SELENOF: variants seen among roughly 807,000 people sequenced by gnomAD.
SELENOF encodes the protein 15 kDa selenoprotein.
In SELENOF, 16 loss-of-function variants were observed where a neutral mutation model predicts 20.5. The ratio of observed to expected loss-of-function variants is 0.78; its 90% CI spans 0.53 to 1.19. SELENOF has a LOEUF of 1.19. Among genes scored for constraint, SELENOF ranks in the 50% most tolerant of loss-of-function variants. The pLI is 0.00. For missense variants in SELENOF, 215 were observed against 194.2 expected (o/e 1.11, Z -0.64); for synonymous variants, 78 against 74.5 (o/e 1.05, Z -0.24).
chr1:86,882,247 C>CAAAAAAAAAAAAAAAA (rs61037512), intron 2 of SELENOF, among the ~76,000 whole-genome samples: 13 of 61,882 alleles, frequency 2.1e-4, no homozygotes, highest in East Asian at 8.3e-4. Flanking sequence ...GACTCTGTCT[C>CAAAAAAAAAAAAAAAA]AAAAAAAAAA....
intron 1 of SELENOF, among the ~76,000 whole-genome samples, chr1:86,908,625 A>C (rs556411587): frequency 6.6e-6 from 1 of 152,332 alleles, no homozygotes; most frequent in South Asian, 2.1e-4. Flanking sequence ...CAAAAGCACC[A>C]ACGATTTTAA....
chr1:86,886,403 A>C lies in SELENOF; in HGVS notation c.253-5678T>G, dbSNP rs1050838627. Reference sequence around the variant, plus strand: ...TAATCTGAAAAGGTAAACCATAAACATCGACTGAAGCAAGACAAATGTTAC... The same window carrying C: ...TAATCTGAAAAGGTAAACCATAAACCTCGACTGAAGCAAGACAAATGTTAC... On this transcript the variant is annotated intron_variant, in intron 2 of 4. Coordinates refer to ENST00000331835, the MANE Select transcript of SELENOF (RefSeq NM_004261.5). Among the ~76,000 whole-genome samples the C allele has an allele frequency of 3.3e-5, 5 of 151,568 alleles. No homozygotes were observed. The East Asian group carries it at 9.7e-4, about 29-fold the overall frequency.
Position 86,894,188 on chromosome 1 carries a change from T to A in SELENOF, c.252+9093A>T, listed in dbSNP as rs1195965592. Among the ~76,000 whole-genome samples, 606 of 151,250 alleles carry A rather than the reference T, an allele frequency of 4.0e-3. 5 individuals are homozygous for A. The highest frequency in any genetic ancestry group is 0.014 in the African/African-American group (567 of 41,358). The stretch of plus-strand genomic sequence containing the variant: ...CCTGGAGGTTTTTTTTTTTTTTTTT[T>A]AAGTATTACTTTTAAGCTTTTCTCT... On this transcript the variant is annotated intron_variant, in intron 2 of 4. Transcript: ENST00000331835.
At chr1:86,872,984 G>A (rs1658819083) in intron 3 of SELENOF, among the ~76,000 whole-genome samples, 1 of 151,852 alleles carries the variant, frequency 6.6e-6, no homozygotes. Context: ...AGCTTGCAGT[G>A]AGCCAAAATC....
At chr1:86,898,896 A>G (rs1314310785) in intron 2 of SELENOF, among the ~76,000 whole-genome samples, 215 of 151,702 alleles carry the variant, frequency 1.4e-3, no homozygotes, top group African/African-American at 5.1e-3. Flanking sequence ...CAAGTGAACA[A>G]AGGTCTCTGG....
intron 2 of SELENOF, among the ~76,000 whole-genome samples, chr1:86,901,297 A>T (rs1027828068): frequency 6.6e-6 from 1 of 152,198 alleles, no homozygotes; most frequent in Non-Finnish European, 1.5e-5. Flanking sequence ...GATTAAATCT[A>T]GCACTATTTC....
intron 1 of SELENOF, among the ~76,000 whole-genome samples, 193 bp from the exon 2 acceptor site, chr1:86,903,641 C>T (rs147492250): frequency 6.6e-6 from 1 of 152,248 alleles, no homozygotes; most frequent in East Asian, 1.9e-4. Context: ...TGTCGCCAGG[C>T]TGGAGGGCAG....
At chr1:86,888,534 G>A (rs1023100142) in intron 2 of SELENOF, among the ~76,000 whole-genome samples, 5 of 152,094 alleles carry the variant, frequency 3.3e-5, no homozygotes, top group East Asian at 1.9e-4. Context: ...TTGTTCTCCC[G>A]AAGTGTTAGG....
rs76673790 is a variant in SELENOF at position 86,907,859 on chromosome 1, A to C, written c.85-4411T>G. 3.9e-3 allele frequency among the ~76,000 whole-genome samples: 593 copies of C among 152,132 alleles called. 3 individuals carry two copies. The highest frequency in any genetic ancestry group is 0.014 in the African/African-American group (576 of 41,500). On this transcript the variant is annotated intron_variant, in intron 1 of 4. Coordinates refer to ENST00000331835, the MANE Select transcript of SELENOF (RefSeq NM_004261.5). Reference sequence around the variant, plus strand: ...AAAATTAGCTGGGGTGGTGGCGCACACCTGTAATCTGAGTTACTCAGGAGG... The same window carrying C: ...AAAATTAGCTGGGGTGGTGGCGCACCCCTGTAATCTGAGTTACTCAGGAGG...
chr1:86,889,889 G>A (rs1368815735), intron 2 of SELENOF, among the ~76,000 whole-genome samples: 1 of 152,110 alleles, frequency 6.6e-6, no homozygotes, highest in African/African-American at 2.4e-5. Flanking sequence ...CAGCCAATGT[G>A]TTGGTTTAAG....
intron 2 of SELENOF, among the ~76,000 whole-genome samples, chr1:86,887,960 G>T (rs996514834): frequency 2.2e-4 from 34 of 152,084 alleles, no homozygotes; most frequent in Non-Finnish European, 4.6e-4. Flanking sequence ...CCAAAGAATT[G>T]GTAAAAATGA....
intron 2 of SELENOF, among the ~76,000 whole-genome samples, chr1:86,894,878 A>C (rs903747987): frequency 6.6e-6 from 1 of 152,164 alleles, no homozygotes; most frequent in Non-Finnish European, 1.5e-5. Context: ...AAACAAAAAA[A>C]CCAAAGAAAA....
intron 3 of SELENOF, among the ~76,000 whole-genome samples, chr1:86,871,575 G>C (rs1167617531): frequency 6.6e-6 from 1 of 152,108 alleles, no homozygotes; most frequent in Non-Finnish European, 1.5e-5. Context: ...GCTAAGAAAG[G>C]CAACTGTGCT....
chr1:86,880,052 G>C (rs537338780), intron 3 of SELENOF, among the ~76,000 whole-genome samples: 53 of 152,078 alleles, frequency 3.5e-4, no homozygotes, highest in Non-Finnish European at 5.4e-4. Flanking sequence ...TCTTGGAAAG[G>C]CTCCTGCAAA....
At position 86,914,009 on chromosome 1, in the gene SELENOF, G is replaced by A. The variant is rs780141850; in HGVS notation, c.84+19C>T. The A allele has an allele frequency of 3.8e-6, 6 of 1,585,430 alleles. No homozygotes were observed. The highest frequency in any genetic ancestry group is 1.7e-4 in the Middle Eastern group (1 of 5,986). Reference sequence around the variant, plus strand: ...CTCCTACTCTCCCTGTGGCAGCTGCGAAGGTGATCTACACTCACCGCTTGA... The same window carrying A: ...CTCCTACTCTCCCTGTGGCAGCTGCAAAGGTGATCTACACTCACCGCTTGA... On this transcript the variant is annotated intron_variant, in intron 1 of 4. Coordinates refer to ENST00000331835, the MANE Select transcript of SELENOF (RefSeq NM_004261.5).
chr1:86,895,940 G>T (rs1659510251), intron 2 of SELENOF, among the ~76,000 whole-genome samples: 1 of 152,148 alleles, frequency 6.6e-6, no homozygotes, highest in African/African-American at 2.4e-5. Flanking sequence ...GAAATAGTGG[G>T]ATATAGGCCA....
intron 1 of SELENOF, among the ~76,000 whole-genome samples, chr1:86,908,843 T>C (rs1659899224): frequency 6.6e-6 from 1 of 152,238 alleles, no homozygotes; most frequent in African/African-American, 2.4e-5. Flanking sequence ...TCCCTAAGAC[T>C]GTACTAAAAT....
At chr1:86,899,890 C>T (rs1249991016) in intron 2 of SELENOF, among the ~76,000 whole-genome samples, 6 of 149,988 alleles carry the variant, frequency 4.0e-5, no homozygotes, top group Admixed American at 1.3e-4. Flanking sequence ...TGGGCAGAGA[C>T]GCTCCTCACC....
At chr1:86,901,121 G>T (rs903781704) in intron 2 of SELENOF, among the ~76,000 whole-genome samples, 2 of 152,154 alleles carry the variant, frequency 1.3e-5, no homozygotes, top group African/African-American at 4.8e-5. Context: ...TATTTTTAAT[G>T]TAAGGCACTA....
Sources: gnomAD v4.1 joint callset for allele counts (sites outside exome capture counted in the v4.1 genomes callset) on GRCh38, gnomAD v4.1.1 for gene constraint, MANE v1.5 for transcripts, NCBI Gene and HGNC (gene_info 2026-07-23, HGNC 2026-07-21) for gene names.